PARP1: variants seen among roughly 807,000 people sequenced by gnomAD.
The protein encoded by PARP1 is poly(ADP-ribose) polymerase 1, also known as poly [ADP-ribose] polymerase 1.
Under a neutral mutation model 118.7 loss-of-function variants are expected in PARP1, and 44 were observed. That is an observed-to-expected ratio of 0.37 (90% confidence interval 0.29 to 0.48). The LOEUF is 0.48. Among genes scored for constraint, PARP1 ranks in the 20% least tolerant of loss-of-function variants. The probability of loss-of-function intolerance (pLI) is 0.99; values close to 1 mark genes in which losing one functional copy is unlikely to be tolerated. For missense variants in PARP1, 1,100 were observed against 1,272.4 expected (o/e 0.86, Z 2.06); for synonymous variants, 492 against 483.2 (o/e 1.02, Z -0.24).
chr1:226,374,645 G>C (rs923186863), intron 13 of PARP1, among the ~76,000 whole-genome samples: 1 of 152,190 alleles, frequency 6.6e-6, no homozygotes, highest in Non-Finnish European at 1.5e-5. Flanking sequence ...TGGGGTTGCT[G>C]GTCCCTGCCT....
At chr1:226,402,058 G>A in intron 2 of PARP1, 156 bp downstream of exon 2, 1 of 1,553,880 alleles carries the variant, frequency 6.4e-7, no homozygotes, top group African/African-American at 1.4e-5. Flanking sequence ...GCTGAGTCCA[G>A]GAGGTGTTGC....
rs758324939 is a variant in PARP1 at position 226,407,972 on chromosome 1, G to A, written c.-43C>T. ...CAAAGCTCCGGAAGCCCGACGCCAC[G>A]ACCTAGAAACACGCTGCCGCCTCGC... On this transcript the variant is annotated 5_prime_UTR_variant, in exon 1 of 23. Coordinates refer to ENST00000366794, the MANE Select transcript of PARP1 (RefSeq NM_001618.4). 7.4e-6 allele frequency: 12 copies of A among 1,610,866 alleles called. No homozygotes were observed. The highest frequency in any genetic ancestry group is 1.7e-4 in the Middle Eastern group (1 of 6,054).
At chr1:226,403,607 C>T (rs150713351) in intron 1 of PARP1, among the ~76,000 whole-genome samples, 1 of 152,292 alleles carries the variant, frequency 6.6e-6, no homozygotes, top group Non-Finnish European at 1.5e-5. Flanking sequence ...GGGAACCAGC[C>T]CTTTCATTCA....
chr1:226,390,937 C>A (rs1026192327), intron 3 of PARP1, among the ~76,000 whole-genome samples: 2 of 151,928 alleles, frequency 1.3e-5, no homozygotes, highest in African/African-American at 4.8e-5. Context: ...CATAAAAACA[C>A]ATGGTATGGT....
rs374883695 is a variant in PARP1, at chr1:226,385,490, C to T, written c.1011+14G>A. ...TTCTCCCAACAGATCCCAGGATCTT[C>T]CCCTACCCCTTACCTTTGGGGTTAC... On this transcript the variant is annotated intron_variant, in intron 7 of 22. Transcript: ENST00000366794. The T allele has an allele frequency of 4.5e-5, 73 of 1,612,696 alleles. No individual in the cohort carries two copies. The highest frequency in any genetic ancestry group is 5.9e-5 in the Non-Finnish European group (70 of 1,179,052).
At chr1:226,379,055 G>A (rs1664549783) in intron 12 of PARP1, 87 bp downstream of exon 12, 3 of 1,520,296 alleles carry the variant, frequency 2.0e-6, no homozygotes, top group Admixed American at 1.7e-5. Context: ...TGGGCCTAAC[G>A]GGTTTCACAA....
At position 226,367,484 on chromosome 1, in the gene PARP1, A is replaced by C; in HGVS notation, c.2402T>G (p.Ile801Ser). 1 of 1,613,932 alleles carries C rather than the reference A, an allele frequency of 6.2e-7. No homozygotes were observed. Among genetic ancestry groups the C allele is most frequent in the Non-Finnish European group, 8.5e-7 (1 of 1,180,002 alleles). Residue 801 changes from isoleucine to serine, a missense_variant, in exon 17 of 23, where the codon ATT becomes AGT. This residue lies in a region of PARP1 where 948 missense variants were observed against 1,031.8 expected (regional missense o/e 0.92). Coordinates refer to ENST00000366794, the MANE Select transcript of PARP1 (RefSeq NM_001618.4). ...AGGAAGGCCTGACCCTGTTACCTTA[A>C]TGTCAGTTTTGAGCTTCTCATAGTT... Reference protein sequence around the residue: ...DVNYEKLKTDIKVVDRDSEEA... With the variant: ...DVNYEKLKTDSKVVDRDSEEA...
chr1:226,408,054 A>C lies in PARP1; in HGVS notation c.-125T>G. 1.5e-6 allele frequency: 2 copies of C among 1,377,690 alleles called. No individual in the cohort carries two copies. Among genetic ancestry groups the C allele is most frequent in the Non-Finnish European group, 2.0e-6 (2 of 993,948 alleles). 85.3% of individuals were successfully genotyped at this position (1,377,690 alleles called of 1,614,324 possible). On this transcript the variant is annotated 5_prime_UTR_variant, in exon 1 of 23. Coordinates refer to ENST00000366794, the MANE Select transcript of PARP1 (RefSeq NM_001618.4). ...CCTGAGCGGCCAGAGCCGCCACCGA[A>C]CACGCCGCACCGGCCACCGCCGTTC...
intron 13 of PARP1, 133 bp downstream of exon 13, chr1:226,376,975 G>A: frequency 1.2e-6 from 1 of 841,624 alleles, no homozygotes; most frequent in Non-Finnish European, 2.0e-6. Flanking sequence ...ATTTGTGAAG[G>A]ACTATTATTC....
chr1:226,386,327 G>T lies in PARP1; in HGVS notation c.833C>A (p.Ala278Glu). 3.8e-6 allele frequency: 6 copies of T among 1,592,750 alleles called. No individual in the cohort carries two copies. Among genetic ancestry groups the T allele is most frequent in the Non-Finnish European group, 5.2e-6 (6 of 1,160,594 alleles). Residue 278 changes from alanine to glutamate, a missense_variant and splice_region_variant, in exon 6 of 23, where the codon GCG (alanine) becomes GAG (glutamate). This residue lies in a region of PARP1 where 948 missense variants were observed against 1,031.8 expected (regional missense o/e 0.92). Coordinates refer to ENST00000366794, the MANE Select transcript of PARP1 (RefSeq NM_001618.4). Reference sequence around the variant, plus strand: ...CCACTTAACACAAAGGCAGCTCACCGCCGACTCCCCAGAAGGCACTTGCTG... The same window carrying T: ...CCACTTAACACAAAGGCAGCTCACCTCCGACTCCCCAGAAGGCACTTGCTG... ...NKQQVPSGES[A>E]ILDRVADGMV...
chr1:226,370,911 G>C, intron 14 of PARP1: 1 of 274,736 alleles, frequency 3.6e-6, no homozygotes, highest in South Asian at 4.3e-5. Context: ...AGCCAAGGCA[G>C]TTAGTTAAGT....
intron 2 of PARP1, among the ~76,000 whole-genome samples, chr1:226,401,519 C>T (rs545548466): frequency 1.6e-4 from 25 of 152,292 alleles, no homozygotes; most frequent in African/African-American, 4.1e-4. Context: ...TGGTAACTTC[C>T]GGGTATTGCC....
rs746792662 is a variant in PARP1 at position 226,407,901 on chromosome 1, C to G, written c.29G>C (p.Arg10Pro). Residue 10 changes from arginine to proline, a missense_variant, in exon 1 of 23, where the codon CGA (arginine) becomes CCA (proline). Around this residue, in one of 2 missense-constraint regions of PARP1, gnomAD observed 948 missense variants for 1,031.8 expected, o/e 0.92. Transcript: ENST00000366794. ...GCGCCCGCTCTTGGCGTACTCGACT[C>G]GATAGAGCTTATCCGAAGACTCCGC... MAESSDKLY[R>P]VEYAKSGRAS... is the part of the protein sequence containing the mutation. 1 of 1,612,356 alleles carries G rather than the reference C, an allele frequency of 6.2e-7. No individual in the cohort carries two copies.
intron 8 of PARP1, among the ~76,000 whole-genome samples, chr1:226,381,514 G>GC (rs1485249723): frequency 1.5e-4 from 23 of 152,222 alleles, no homozygotes; most frequent in Non-Finnish European, 7.3e-5. Context: ...TAGGAAGGCT[G>GC]CATCTGCGGA....
intron 20 of PARP1, 81 bp from the exon 21 acceptor site, chr1:226,363,241 A>C (rs1664187560): frequency 2.2e-6 from 2 of 921,420 alleles, no homozygotes; most frequent in Admixed American, 1.7e-5. Context: ...GAATAAGATC[A>C]GATACAGAGA....
intron 3 of PARP1, among the ~76,000 whole-genome samples, chr1:226,390,921 G>C (rs1427134662): frequency 6.6e-6 from 1 of 152,102 alleles, no homozygotes; most frequent in Non-Finnish European, 1.5e-5. Flanking sequence ...GCTGACCTGG[G>C]GCAGGCATAA....
Position 226,370,526 on chromosome 1 carries a change from A to G in PARP1, c.2071-9T>C. On this transcript the variant is annotated splice_polypyrimidine_tract_variant and intron_variant, in intron 14 of 22. Transcript: ENST00000366794. ...ATCTTCTGAAGGTCGATCTGAGGAG[A>G]CAGGGGATTTCGCTCTGAAAGCTGG... is the stretch of plus-strand genomic sequence containing the variant. The G allele has an allele frequency of 6.2e-7, 1 of 1,611,068 alleles. No homozygotes were observed. The highest frequency in any genetic ancestry group is 8.5e-7 in the Non-Finnish European group (1 of 1,177,328).
At chr1:226,378,240 G>A (rs866352149) in intron 12 of PARP1, among the ~76,000 whole-genome samples, 2 of 151,814 alleles carry the variant, frequency 1.3e-5, no homozygotes, top group South Asian at 2.1e-4. Context: ...CCTTTACACT[G>A]ACACATAAAT....
At chr1:226,404,253 T>C (rs764025260) in intron 1 of PARP1, among the ~76,000 whole-genome samples, 2 of 152,234 alleles carry the variant, frequency 1.3e-5, no homozygotes, top group Non-Finnish European at 2.9e-5. Flanking sequence ...AAATTCCTGC[T>C]GTAGAAGAGA....
Sources: gnomAD v4.1 joint callset for allele counts (sites outside exome capture counted in the v4.1 genomes callset) on GRCh38, gnomAD v4.1.1 for gene constraint, gnomAD v4.1.1 regional missense constraint, MANE v1.5 for transcripts, NCBI Gene and HGNC (gene_info 2026-07-23, HGNC 2026-07-21) for gene names.